The following CBL variants were observed in gnomAD, a reference collection of about 807,000 sequenced individuals.
CBL encodes the protein E3 ubiquitin-protein ligase CBL.
In CBL, 45 loss-of-function variants were observed where a neutral mutation model predicts 96.9. The observed-to-expected ratio is 0.46, with a 90% CI of 0.37 to 0.60. The LOEUF is 0.60. Ranked by LOEUF, CBL falls within the 20% of genes least tolerant of loss-of-function variation. CBL has a pLI of 0.00. For missense variants in CBL, 1,024 were observed against 1,143.5 expected (o/e 0.90, Z 1.51); for synonymous variants, 420 against 426.8 (o/e 0.98, Z 0.20).
chr11:119,235,163 G>C (rs965263768), intron 2 of CBL, among the ~76,000 whole-genome samples: 1 of 151,816 alleles, frequency 6.6e-6, no homozygotes, highest in Non-Finnish European at 1.5e-5. Context: ...GCCCAGGTTG[G>C]AGTGCAAAGG....
chr11:119,270,516 G>A (rs1406956502), intron 2 of CBL, among the ~76,000 whole-genome samples: 2 of 128,162 alleles, frequency 1.6e-5, no homozygotes, highest in African/African-American at 5.8e-5. Flanking sequence ...GCGGGATCTC[G>A]GCTCACTGCA....
intron 1 of CBL, 133 bp downstream of exon 1, chr11:119,206,745 G>A: frequency 1.5e-6 from 1 of 668,920 alleles, no homozygotes. Context: ...GAGCCGGGGT[G>A]ACCGGCCGGG....
chr11:119,260,607 T>C (rs1949747263), intron 2 of CBL, among the ~76,000 whole-genome samples: 1 of 152,164 alleles, frequency 6.6e-6, no homozygotes, highest in South Asian at 2.1e-4. Flanking sequence ...CATTAGCTTT[T>C]ACATTATTAC....
chr11:119,235,678 C>T (rs901032118), intron 2 of CBL, among the ~76,000 whole-genome samples: 1 of 152,146 alleles, frequency 6.6e-6, no homozygotes, highest in Non-Finnish European at 1.5e-5. Context: ...AAAAAAAAGT[C>T]TGTGTATAAG....
At position 119,299,801 on chromosome 11, in the gene CBL, A is replaced by G. The variant is rs1950089254; in HGVS notation, c.*20A>G. On this transcript the variant is annotated 3_prime_UTR_variant, in exon 16 of 16. Transcript: ENST00000264033. Reference sequence around the variant, plus strand: ...ACCTAGCACACCATCTCCCTGCTGCAGGTTTAGAGGACCAGTGAGTTGGGA... The same window carrying G: ...ACCTAGCACACCATCTCCCTGCTGCGGGTTTAGAGGACCAGTGAGTTGGGA... 6.2e-7 allele frequency: 1 copy of G among 1,612,450 alleles called. No homozygotes were observed. The highest frequency in any genetic ancestry group is 8.5e-7 in the Non-Finnish European group (1 of 1,179,378).
chr11:119,269,645 T>C (rs949095277), intron 2 of CBL, among the ~76,000 whole-genome samples: 28 of 152,156 alleles, frequency 1.8e-4, no homozygotes, highest in Non-Finnish European at 7.4e-5. Flanking sequence ...AAAAATCTGT[T>C]CCTAATAGAG....
At chr11:119,291,105 A>G (rs947686586) in intron 12 of CBL, among the ~76,000 whole-genome samples, 1 of 152,176 alleles carries the variant, frequency 6.6e-6, no homozygotes, top group Non-Finnish European at 1.5e-5. Context: ...CTTTAAAGGT[A>G]ATGTTTCTTG....
chr11:119,269,884 C>T (rs982149509), intron 2 of CBL, among the ~76,000 whole-genome samples: 1 of 152,070 alleles, frequency 6.6e-6, no homozygotes, highest in Admixed American at 6.6e-5. Flanking sequence ...GTAGTCCCAG[C>T]TACTCGGGAG....
intron 2 of CBL, among the ~76,000 whole-genome samples, chr11:119,267,659 C>T (rs1004590463): frequency 1.4e-4 from 22 of 152,164 alleles, no homozygotes; most frequent in African/African-American, 3.9e-4. Context: ...ATAACACTCT[C>T]GTGGGAATGT....
chr11:119,254,791 G>T (rs1056592591), intron 2 of CBL, among the ~76,000 whole-genome samples: 1 of 151,938 alleles, frequency 6.6e-6, no homozygotes, highest in African/African-American at 2.4e-5. Flanking sequence ...TAGTAGAGAC[G>T]GGGTTTTGCC....
chr11:119,276,114 T>A lies in CBL; in HGVS notation c.987T>A (p.Ile329=). 6.2e-7 allele frequency: 1 copy of A among 1,614,100 alleles called. No individual in the cohort carries two copies. Among genetic ancestry groups the A allele is most frequent in the South Asian group, 1.1e-5 (1 of 91,080 alleles). ...PHNKPLFQAL[I]DGFREGFYLF... is the part of the protein sequence containing the mutation. ...ATAAACCTCTCTTCCAAGCACTGATTGATGGCTTCAGGGAAGGCTTGTGAG... is the reference window on the plus strand; with the variant it reads ...ATAAACCTCTCTTCCAAGCACTGATAGATGGCTTCAGGGAAGGCTTGTGAG... The change falls in exon 6 of 16, where the codon ATT becomes ATA. Residue 329 remains isoleucine, a synonymous_variant. Transcript: ENST00000264033.
At chr11:119,209,524 C>T (rs1312113714) in intron 1 of CBL, among the ~76,000 whole-genome samples, 1 of 151,822 alleles carries the variant, frequency 6.6e-6, no homozygotes, top group African/African-American at 2.4e-5. Flanking sequence ...GAGACTGGGA[C>T]AGGAGAATCC....
intron 2 of CBL, among the ~76,000 whole-genome samples, chr11:119,246,279 A>G (rs1461357831): frequency 6.6e-6 from 1 of 151,458 alleles, no homozygotes; most frequent in Non-Finnish European, 1.5e-5. Flanking sequence ...GGCCTTACAA[A>G]TCTTTTTAAT....
rs778438251 is a variant in CBL, at chr11:119,277,859, A to G, written c.1095+15A>G. On this transcript the variant is annotated intron_variant, in intron 7 of 15. Coordinates refer to ENST00000264033, the MANE Select transcript of CBL (RefSeq NM_005188.4). Reference sequence around the variant, plus strand: ...AAGTGACCCAGGTGAGTTTTGTTTCACATGATAACCATATCACTGGACACA... The same window carrying G: ...AAGTGACCCAGGTGAGTTTTGTTTCGCATGATAACCATATCACTGGACACA... The G allele has an allele frequency of 6.5e-7, 1 of 1,537,302 alleles. No individual in the cohort carries two copies. The highest frequency in any genetic ancestry group is 2.2e-5 in the East Asian group (1 of 44,468).
rs1950135401 is a variant in CBL, at chr11:119,305,843, G to A, written c.*6062G>A. ...CTCAGAGCCTGTCCTGAGTTGTAAG[G>A]TATTTCATACTGCCTTACTTAAAAG... On this transcript the variant is annotated 3_prime_UTR_variant, in exon 16 of 16. Coordinates refer to ENST00000264033, the MANE Select transcript of CBL (RefSeq NM_005188.4). The A allele has an allele frequency of 8.5e-6, 2 of 234,042 alleles. No homozygotes were observed. The highest frequency in any genetic ancestry group is 1.7e-5 in the Non-Finnish European group (2 of 118,804). The allele number at this position is 234,042 out of a possible 1,614,324, so 14.5% of individuals were successfully genotyped here.
chr11:119,273,446 G>A (rs147170620), intron 3 of CBL, among the ~76,000 whole-genome samples: 216 of 152,156 alleles, frequency 1.4e-3, no homozygotes, highest in African/African-American at 5.1e-3. Context: ...TTGTTTTGCA[G>A]CAAGGTTTCA....
chr11:119,297,847 C>G (rs1264795276), intron 14 of CBL, among the ~76,000 whole-genome samples: 1 of 152,176 alleles, frequency 6.6e-6, no homozygotes, highest in Non-Finnish European at 1.5e-5. Flanking sequence ...ACTGCTGGTT[C>G]CTTTTGTGCT....
At position 119,276,078 on chromosome 11, in the gene CBL, A is replaced by G. The variant is rs34851541; in HGVS notation, c.951A>G (p.Thr317=). 1.1e-5 allele frequency: 18 copies of G among 1,614,112 alleles called. No homozygotes were observed. In the Admixed American group the frequency reaches 3.0e-4, roughly 27 times the overall value. Residue 317 remains threonine, a synonymous_variant, in exon 6 of 16, where the codon ACA becomes ACG. Transcript: ENST00000264033. ...CTGCTGATGGGAACATTCTCCAGACAATCCCTCACAATAAACCTCTCTTCC... is the reference window on the plus strand; with the variant it reads ...CTGCTGATGGGAACATTCTCCAGACGATCCCTCACAATAAACCTCTCTTCC... ...YVTADGNILQ[T]IPHNKPLFQA...
At chr11:119,230,223 C>T (rs1949491022) in intron 1 of CBL, among the ~76,000 whole-genome samples, 1 of 151,686 alleles carries the variant, frequency 6.6e-6, no homozygotes, top group Non-Finnish European at 1.5e-5. Flanking sequence ...GCGATCTCGG[C>T]TCACTGCAAG....
Sources: allele counts gnomAD v4.1 joint callset (sites outside exome capture counted in the v4.1 genomes callset), GRCh38; gene constraint gnomAD v4.1.1; transcripts MANE v1.5; gene names NCBI Gene and HGNC (gene_info 2026-07-23, HGNC 2026-07-21).